The following CDK14 variants were observed in gnomAD, a reference collection of about 807,000 sequenced individuals.
CDK14 encodes the protein cyclin-dependent kinase 14.
CDK14 carries 34 observed loss-of-function variants against 60.7 expected under a neutral mutation model. The observed-to-expected ratio is 0.56, with a 90% CI of 0.43 to 0.75. The LOEUF is 0.75. CDK14 is among the 30% of genes least tolerant of loss of function. The probability of loss-of-function intolerance (pLI) is 0.00; values close to 1 mark genes in which losing one functional copy is unlikely to be tolerated. For missense variants in CDK14, 482 were observed against 564.1 expected (o/e 0.85, Z 1.47); for synonymous variants, 197 against 203.7 (o/e 0.97, Z 0.28).
At chr7:90,910,482 T>C (rs1021516630) in intron 7 of CDK14, among the ~76,000 whole-genome samples, 13 of 152,144 alleles carry the variant, frequency 8.5e-5, no homozygotes, top group African/African-American at 2.9e-4. Flanking sequence ...GATATGTGGG[T>C]AGTTTAAGGT....
chr7:91,038,337 G>A (rs1465750635), intron 10 of CDK14, among the ~76,000 whole-genome samples: 1 of 152,122 alleles, frequency 6.6e-6, no homozygotes, highest in Non-Finnish European at 1.5e-5. Context: ...CCTACTTTAT[G>A]TACTTTGATA....
chr7:90,880,177 G>T (rs1044748941), intron 6 of CDK14, among the ~76,000 whole-genome samples: 37 of 152,334 alleles, frequency 2.4e-4, no homozygotes, highest in Admixed American at 2.2e-3. Context: ...ACTCACAACT[G>T]CCAAACATGC....
At chr7:90,638,269 T>C (rs1318994372) in intron 2 of CDK14, among the ~76,000 whole-genome samples, 2 of 152,364 alleles carry the variant, frequency 1.3e-5, no homozygotes, top group Middle Eastern at 6.8e-3. Context: ...CAGCTGGTAC[T>C]GGTTGTGCCT....
At chr7:90,977,795 G>A (rs1049394588) in intron 9 of CDK14, among the ~76,000 whole-genome samples, 1 of 152,044 alleles carries the variant, frequency 6.6e-6, no homozygotes, top group Non-Finnish European at 1.5e-5. Context: ...TGTTGCTTTC[G>A]ATTCATTCAG....
intron 2 of CDK14, among the ~76,000 whole-genome samples, chr7:90,645,391 C>T (rs1279130651): frequency 6.6e-6 from 1 of 152,084 alleles, no homozygotes; most frequent in Non-Finnish European, 1.5e-5. Context: ...GATTTAAAAT[C>T]TCTAAAGAGA....
In CDK14 at chr7:90,806,979, C is replaced by A. The variant is rs190008023; in HGVS notation, c.544+16327C>A. Among the ~76,000 whole-genome samples the A allele has an allele frequency of 3.6e-3, 548 of 152,346 alleles. 5 individuals are homozygous for A. Among genetic ancestry groups the A allele is most frequent in the African/African-American group, 0.013 (521 of 41,582 alleles). On this transcript the variant is annotated intron_variant, in intron 5 of 14. Coordinates refer to ENST00000380050, the MANE Select transcript of CDK14 (RefSeq NM_001287135.2). ...AAACAAAGTGGCCAGGAAGCTCAAA[C>A]TGGGTGGAGCCCACTGCAGCTCAAG... is the stretch of plus-strand genomic sequence containing the variant.
intron 2 of CDK14, among the ~76,000 whole-genome samples, chr7:90,604,742 A>G (rs757051645): frequency 6.6e-6 from 1 of 152,254 alleles, no homozygotes; most frequent in Non-Finnish European, 1.5e-5. Flanking sequence ...GTCTTGATCT[A>G]CTTGCCACAA....
chr7:91,083,828 G>T (rs954935718), intron 12 of CDK14, among the ~76,000 whole-genome samples: 11 of 152,144 alleles, frequency 7.2e-5, no homozygotes, highest in Admixed American at 2.6e-4. Context: ...GGTGCCAGGA[G>T]GACAAAGAGA....
intron 11 of CDK14, among the ~76,000 whole-genome samples, chr7:91,063,025 T>G (rs562186831): frequency 4.6e-5 from 7 of 152,326 alleles, no homozygotes; most frequent in Non-Finnish European, 2.9e-5. Flanking sequence ...TTTGTGTCAT[T>G]ACCACTGTTT....
intron 2 of CDK14, among the ~76,000 whole-genome samples, chr7:90,614,063 A>G (rs944797504): frequency 2.0e-5 from 3 of 148,474 alleles, no homozygotes; most frequent in Admixed American, 6.8e-5. Flanking sequence ...CTGGAGTGCA[A>G]TGGTGCGATC....
intron 6 of CDK14, among the ~76,000 whole-genome samples, chr7:90,894,757 A>G (rs900510436): frequency 1.3e-5 from 2 of 152,206 alleles, no homozygotes; most frequent in Non-Finnish European, 2.9e-5. Flanking sequence ...AATACATGCC[A>G]TATATATAAC....
intron 6 of CDK14, among the ~76,000 whole-genome samples, chr7:90,868,299 A>G (rs1453577098): frequency 1.4e-5 from 2 of 146,344 alleles, no homozygotes; most frequent in African/African-American, 5.0e-5. Context: ...CACTATATAT[A>G]TATACACACA....
intron 9 of CDK14, among the ~76,000 whole-genome samples, chr7:90,961,835 T>G (rs574704810): frequency 5.9e-5 from 9 of 152,346 alleles, no homozygotes; most frequent in African/African-American, 2.2e-4. Flanking sequence ...CTGTATTTTA[T>G]TATTATACCA....
chr7:91,072,036 G>C (rs749764313), intron 11 of CDK14, among the ~76,000 whole-genome samples: 45 of 152,306 alleles, frequency 3.0e-4, no homozygotes, highest in Non-Finnish European at 4.4e-4. Flanking sequence ...GAGCCCCTAG[G>C]GGGAGGGGTG....
chr7:90,890,610 T>C (rs566848964), intron 6 of CDK14, among the ~76,000 whole-genome samples: 1 of 152,360 alleles, frequency 6.6e-6, no homozygotes, highest in African/African-American at 2.4e-5. Context: ...AGTAGATAAG[T>C]ACTGTAAAGC....
chr7:90,921,550 C>T (rs2117435480), intron 8 of CDK14, among the ~76,000 whole-genome samples: 1 of 152,158 alleles, frequency 6.6e-6, no homozygotes, highest in Non-Finnish European at 1.5e-5. Context: ...TGCACTATCT[C>T]TAGAACCATG....
chr7:90,721,114 T>C (rs1802434307), intron 2 of CDK14, among the ~76,000 whole-genome samples: 1 of 152,186 alleles, frequency 6.6e-6, no homozygotes, highest in Admixed American at 6.5e-5. Context: ...TCACCTGCCC[T>C]TTAGCCTGTT....
intron 5 of CDK14, among the ~76,000 whole-genome samples, chr7:90,809,191 C>A (rs897320638): frequency 6.6e-6 from 1 of 152,162 alleles, no homozygotes; most frequent in African/African-American, 2.4e-5. Context: ...CCACACCACA[C>A]CTATTCCAAA....
intron 2 of CDK14, among the ~76,000 whole-genome samples, chr7:90,681,493 G>A (rs893207422): frequency 2.0e-5 from 3 of 152,106 alleles, no homozygotes; most frequent in East Asian, 1.9e-4. Context: ...ATACTGACTG[G>A]TGGTGCTCAG....
Sources: allele counts gnomAD v4.1 joint callset (sites outside exome capture counted in the v4.1 genomes callset), GRCh38; gene constraint gnomAD v4.1.1; transcripts MANE v1.5; gene names NCBI Gene and HGNC (gene_info 2026-07-23, HGNC 2026-07-21).